FCRLB: variants seen among roughly 807,000 people sequenced by gnomAD.
FCRLB encodes the protein Fc receptor-like B.
A neutral mutation model predicts 33.6 loss-of-function variants in FCRLB; 34 were observed. The ratio of observed to expected loss-of-function variants is 1.01; its 90% confidence interval spans 0.77 to 1.35. The LOEUF (loss-of-function observed/expected upper bound fraction) is 1.35, where lower values mean the gene tolerates loss of function less well. Among genes scored for constraint, FCRLB ranks in the 40% most tolerant of loss-of-function variants. The pLI is 0.00. For missense variants in FCRLB, 560 were observed against 580.2 expected (o/e 0.97, Z 0.36); for synonymous variants, 280 against 255.9 (o/e 1.09, Z -0.90).
In FCRLB at chr1:161,721,676, G is replaced by C. The variant is rs1483275211; in HGVS notation, c.-117+15G>C. 1.3e-5 allele frequency: 2 copies of C among 152,222 alleles called. No individual in the cohort carries two copies. The highest frequency in any genetic ancestry group is 2.9e-5 in the Non-Finnish European group (2 of 68,036). The allele number at this position is 152,222 out of a possible 1,614,324, so 9.4% of individuals were successfully genotyped here. Reference sequence around the variant, plus strand: ...AACAACCACAGGTAAGGACAGGATAGAGTCCAAGGAGACACACTATCAGGC... The same window carrying C: ...AACAACCACAGGTAAGGACAGGATACAGTCCAAGGAGACACACTATCAGGC... On this transcript the variant is annotated intron_variant, in intron 1 of 7. Coordinates refer to ENST00000367948, the Ensembl canonical transcript of FCRLB.
Position 161,723,353 on chromosome 1 carries a change from A to C in FCRLB, c.53-14A>C. 1 of 1,610,402 alleles carries C rather than the reference A, an allele frequency of 6.2e-7. No individual in the cohort carries two copies. Reference sequence around the variant, plus strand: ...TTTGCATGCTGCCCCCTCTCACCCCACTCCCCACCCCAGCTACTCTGGAGA... The same window carrying C: ...TTTGCATGCTGCCCCCTCTCACCCCCCTCCCCACCCCAGCTACTCTGGAGA... On this transcript the variant is annotated splice_polypyrimidine_tract_variant and intron_variant, in intron 4 of 7. Transcript: ENST00000367948.
chr1:161,726,047 C>T lies in FCRLB; in HGVS notation c.534C>T (p.Ser178=), dbSNP rs3738330. 107 of 1,612,948 alleles carry T rather than the reference C, an allele frequency of 6.6e-5. 2 individuals carry two copies. The East Asian group carries it at 2.3e-3, about 35-fold the overall frequency. The change falls in exon 6 of 8, where the codon AGC becomes AGT. Residue 178 remains serine (S), a synonymous_variant. Coordinates refer to ENST00000367948, the Ensembl canonical transcript of FCRLB. This position sits in a 1 kb window ranked among gnomAD's most constrained non-coding sequence, Gnocchi z 5.2. ...GCACCATGCGCATCCCGGTGGAGAG[C>T]GCGCCCATGTTCTCCGCTAAGGTGG...
exon 8 of FCRLB, chr1:161,727,350 A>G: frequency 6.2e-7 from 1 of 1,613,690 alleles, no homozygotes; most frequent in Non-Finnish European, 8.5e-7. Context: ...CGGTGTCCAG[A>G]TCGGTCCCGT....
Position 161,723,580 on chromosome 1 carries a change from G to A in FCRLB, c.266G>A (p.Gly89Glu), listed in dbSNP as rs567408157. 3.4e-5 allele frequency: 55 copies of A among 1,614,190 alleles called. No individual in the cohort carries two copies. The highest frequency in any genetic ancestry group is 3.3e-4 in the African/African-American group (25 of 75,050). ...GGGGTGTATCGATGCCAGACACGGG[G>A]AGCACCCGTCAGTGACCCCATCCAC... Residue 89 changes from glycine to glutamate, a missense_variant, in exon 5 of 8, where the codon GGA (glycine) becomes GAA (glutamate). Physicochemically the swap from Gly to Glu is moderately conservative, Grantham distance 98. Transcript: ENST00000367948.
chr1:161,724,753 A>G (rs1557932204), intron 5 of FCRLB, among the ~76,000 whole-genome samples: 1 of 152,192 alleles, frequency 6.6e-6, no homozygotes, highest in Non-Finnish European at 1.5e-5. Flanking sequence ...TATTACTTGC[A>G]GGATTCTTTC....
chr1:161,727,094 G>GC lies in FCRLB; in HGVS notation c.865+107dup, dbSNP rs1197761542. 5 of 672,990 alleles carry GC rather than the reference G, an allele frequency of 7.4e-6. No homozygotes were observed. The African/African-American group carries it at 2.1e-4, about 28-fold the overall frequency. The allele number at this position is 672,990 out of a possible 1,614,324, so 41.7% of individuals were successfully genotyped here. A position where few individuals can be genotyped will look rare whatever the true frequency, so the allele number is the denominator to read the frequency against. On this transcript the variant is annotated intron_variant, in intron 7 of 7. Coordinates refer to ENST00000367948, the Ensembl canonical transcript of FCRLB. ...ACCCCCGCCCCCTGGTTCCCGTCCC[G>GC]CCCCCCGCCTTTCCCATCTCCCCTT...
chr1:161,726,175 A>G lies in FCRLB; in HGVS notation c.574+88A>G, dbSNP rs757179038. ...GCTCGGCGAGAAAAGAAGGGGCGGA[A>G]GTTCAAATAGCTGCCACTTGGAGGG... is the stretch of plus-strand genomic sequence containing the variant. On this transcript the variant is annotated intron_variant, in intron 6 of 7. Transcript: ENST00000367948. The surrounding 1 kb of genome is among the most constrained non-coding windows in gnomAD (Gnocchi z 5.2). 1 of 1,595,474 alleles carries G rather than the reference A, an allele frequency of 6.3e-7. No homozygotes were observed. The highest frequency in any genetic ancestry group is 8.6e-7 in the Non-Finnish European group (1 of 1,168,126).
rs1459201548 is a variant in FCRLB at position 161,726,756 on chromosome 1, G to A, written c.628G>A (p.Ala210Thr). The A allele has an allele frequency of 1.9e-6, 3 of 1,587,550 alleles. No homozygotes were observed. Among genetic ancestry groups the A allele is most frequent in the Admixed American group, 3.5e-5 (2 of 57,040 alleles). Residue 210 changes from alanine (A) to threonine (T), a missense_variant, in exon 7 of 8, where the codon GCG (alanine) becomes ACG (threonine). Ala to Thr is a moderately conservative substitution (Grantham distance 58). Coordinates refer to ENST00000367948, the Ensembl canonical transcript of FCRLB. This position sits in a 1 kb window ranked among gnomAD's most constrained non-coding sequence, Gnocchi z 5.2. ...GATGGGTCCGCGGGAGGCCCGCGGC[G>A]CGGCGCTGGGTGGGGTGGTGCTGCG... is the stretch of plus-strand genomic sequence containing the variant.
intron 5 of FCRLB, among the ~76,000 whole-genome samples, chr1:161,724,425 T>TAAA (rs3039575): frequency 3.7e-4 from 42 of 112,584 alleles, no homozygotes; most frequent in East Asian, 1.0e-3. Context: ...CACTCTCTAC[T>TAAA]AAAAAAAAAA....
chr1:161,727,156 C>CCA, intron 7 of FCRLB, 91 bp from the exon 8 acceptor site: 7 of 1,398,788 alleles, frequency 5.0e-6, no homozygotes, highest in Non-Finnish European at 6.6e-6. Context: ...CGGCCTTCCC[C>CCA]ATCCCCGCCC....
In FCRLB at chr1:161,723,350, C is replaced by T. The variant is rs530126963; in HGVS notation, c.53-17C>T. On this transcript the variant is annotated splice_polypyrimidine_tract_variant and intron_variant, in intron 4 of 7. Coordinates refer to ENST00000367948, the Ensembl canonical transcript of FCRLB. ...CTCTTTGCATGCTGCCCCCTCTCACCCCACTCCCCACCCCAGCTACTCTGG... is the reference window on the plus strand; with the variant it reads ...CTCTTTGCATGCTGCCCCCTCTCACTCCACTCCCCACCCCAGCTACTCTGG... The T allele has an allele frequency of 6.2e-7, 1 of 1,612,182 alleles. No homozygotes were observed. The highest frequency in any genetic ancestry group is 2.2e-5 in the East Asian group (1 of 44,852).
chr1:161,725,743 C>G, intron 5 of FCRLB, 78 bp from the exon 6 acceptor site: 1 of 1,507,382 alleles, frequency 6.6e-7, no homozygotes. Context: ...GAGGAGAAAG[C>G]TGGAAGGCTG....
chr1:161,722,363 C>G (rs1390017619), intron 2 of FCRLB, among the ~76,000 whole-genome samples: 1 of 152,150 alleles, frequency 6.6e-6, no homozygotes, highest in African/African-American at 2.4e-5. Flanking sequence ...GCCTGGGGTT[C>G]TATGGGGCTC....
At position 161,726,679 on chromosome 1, in the gene FCRLB, C is replaced by T. The variant is rs1341880216; in HGVS notation, c.575-24C>T. 4 of 1,574,302 alleles carry T rather than the reference C, an allele frequency of 2.5e-6. No homozygotes were observed. The highest frequency in any genetic ancestry group is 3.4e-6 in the Non-Finnish European group (4 of 1,167,366). On this transcript the variant is annotated intron_variant, in intron 6 of 7. Coordinates refer to ENST00000367948, the Ensembl canonical transcript of FCRLB. The surrounding 1 kb of genome is among the most constrained non-coding windows in gnomAD (Gnocchi z 5.2). ...CGCGGAGCGGTGGACAAGCCGGCGC[C>T]GTTGCTCCCCGCCCTCTCCGTAGAG...
At chr1:161,727,843 C>A in exon 8 of FCRLB, 1 of 668,970 alleles carries the variant, frequency 1.5e-6, no homozygotes, top group Non-Finnish European at 2.5e-6. Context: ...TAACCGCAAG[C>A]ATTCTCTTTG....
At chr1:161,727,771 G>T (rs1683651905) in exon 8 of FCRLB, 1 of 1,374,758 alleles carries the variant, frequency 7.3e-7, no homozygotes, top group Non-Finnish European at 9.7e-7. Flanking sequence ...TTTTGCTGTG[G>T]TTTTTAAAGG....
intron 5 of FCRLB, 29 bp downstream of exon 5, chr1:161,723,650 G>A (rs767499642): frequency 6.9e-6 from 11 of 1,602,108 alleles, no homozygotes; most frequent in Non-Finnish European, 9.4e-6. Context: ...AGGGGAGGGG[G>A]AGCACGTGTC....
At chr1:161,725,674 GAAAAA>G (rs1683516080) in intron 5 of FCRLB, 142 bp from the exon 6 acceptor site, 4 of 1,063,516 alleles carry the variant, frequency 3.8e-6, no homozygotes, top group Non-Finnish European at 5.4e-6. Flanking sequence ...AAAAAAGAAA[GAAAAA>G]GAAAAGAAAA....
chr1:161,723,286 C>G (rs1683433940), intron 4 of FCRLB, 81 bp from the exon 5 acceptor site: 3 of 1,547,328 alleles, frequency 1.9e-6, no homozygotes, highest in East Asian at 2.2e-5. Context: ...CTAAGATTTC[C>G]CAAACTCAGG....
Sources: allele counts gnomAD v4.1 joint callset (sites outside exome capture counted in the v4.1 genomes callset), GRCh38; gene constraint gnomAD v4.1.1; non-coding constraint Gnocchi (gnomAD v3.1); transcripts MANE v1.5; gene names NCBI Gene and HGNC (gene_info 2026-07-23, HGNC 2026-07-21).